The following PPARG variants were observed in gnomAD, a reference collection of about 807,000 sequenced individuals.
The protein encoded by PPARG is peroxisome proliferator activated receptor gamma, also known as peroxisome proliferator-activated receptor gamma.
Under a neutral mutation model 39.2 loss-of-function variants are expected in PPARG, and 17 were observed. That is an observed-to-expected ratio of 0.43 (90% CI 0.30 to 0.65). The LOEUF (loss-of-function observed/expected upper bound fraction) is 0.65, where lower values mean the gene tolerates loss of function less well. Among genes scored for constraint, PPARG ranks in the 30% least tolerant of loss-of-function variants. The pLI, the probability that PPARG is intolerant of heterozygous loss-of-function variation, is 0.13. For synonymous variants in PPARG, 223 were observed against 215.7 expected (o/e 1.03, Z -0.30); for missense variants, 406 against 585.9 (o/e 0.69, Z 3.17).
chr3:12,317,743 C>T (rs921644011), intron 2 of PPARG, among the ~76,000 whole-genome samples: 3 of 152,166 alleles, frequency 2.0e-5, no homozygotes, highest in African/African-American at 7.2e-5. Flanking sequence ...AATTACCTTA[C>T]TCTTGCATTA....
chr3:12,364,573 G>A (rs561019153), intron 2 of PPARG, among the ~76,000 whole-genome samples: 2 of 152,328 alleles, frequency 1.3e-5, no homozygotes, highest in South Asian at 4.1e-4. Context: ...CTACCAAGGA[G>A]TGTGATTACT....
chr3:12,361,011 A>C (rs1257474863), intron 2 of PPARG, among the ~76,000 whole-genome samples: 1 of 152,156 alleles, frequency 6.6e-6, no homozygotes, highest in Non-Finnish European at 1.5e-5. Context: ...CTAGAAATCT[A>C]TACTTCTACT....
intron 5 of PPARG, among the ~76,000 whole-genome samples, chr3:12,397,379 T>G (rs1270893804): frequency 9.8e-5 from 1 of 10,172 alleles, no homozygotes; most frequent in Non-Finnish European, 2.3e-4. Context: ...CTATTCCTTT[T>G]TATTATTATT....
intron 4 of PPARG, among the ~76,000 whole-genome samples, chr3:12,391,960 T>C (rs1288804711): frequency 6.6e-6 from 1 of 152,196 alleles, no homozygotes; most frequent in African/African-American, 2.4e-5. Flanking sequence ...TGGCCTCAAA[T>C]TGACATATTT....
At chr3:12,364,303 T>C (rs898052062) in intron 2 of PPARG, among the ~76,000 whole-genome samples, 16 of 152,222 alleles carry the variant, frequency 1.1e-4, no homozygotes, top group African/African-American at 2.9e-4. Flanking sequence ...GTTGGAACCA[T>C]ACAGTATGTG....
rs560656765 is a variant in PPARG at position 12,327,598 on chromosome 3, C to T, written c.-9+15145C>T. ...CAGAGAACTACCGAGGCAGCTGGCG[C>T]AGATGCTTTTTTGGCACTGTTGAGA... is the stretch of plus-strand genomic sequence containing the variant. On this transcript the variant is annotated intron_variant, in intron 2 of 7. Coordinates refer to ENST00000651735, the MANE Select transcript of PPARG (RefSeq NM_138711.6). 6.6e-5 allele frequency among the ~76,000 whole-genome samples: 10 copies of T among 152,264 alleles called. No homozygotes were observed. In the South Asian group the frequency reaches 1.9e-3, roughly 28 times the overall value.
chr3:12,354,823 G>A (rs1238352143), intron 2 of PPARG, among the ~76,000 whole-genome samples: 4 of 151,554 alleles, frequency 2.6e-5, no homozygotes, highest in East Asian at 1.9e-4. Context: ...AACAAAAACC[G>A]CAGAACTCTT....
intron 2 of PPARG, among the ~76,000 whole-genome samples, chr3:12,326,844 G>T (rs776391734): frequency 6.6e-6 from 1 of 152,080 alleles, no homozygotes; most frequent in Non-Finnish European, 1.5e-5. Flanking sequence ...AGGGTGGTAC[G>T]GCCATAGACG....
chr3:12,406,341 T>C (rs2050665482), intron 6 of PPARG: 2 of 467,328 alleles, frequency 4.3e-6, no homozygotes, highest in South Asian at 4.1e-5. Context: ...CTAACTTTAA[T>C]GAATGAACTT....
intron 2 of PPARG, among the ~76,000 whole-genome samples, chr3:12,335,692 G>T (rs1273122881): frequency 6.6e-6 from 1 of 152,164 alleles, no homozygotes; most frequent in Non-Finnish European, 1.5e-5. Context: ...GCTGCCCTGT[G>T]TGAACCTTCA....
At chr3:12,312,167 A>G (rs1159777314) in intron 1 of PPARG, among the ~76,000 whole-genome samples, 2 of 152,248 alleles carry the variant, frequency 1.3e-5, no homozygotes, top group Admixed American at 6.5e-5. Context: ...CCAGCCCTGC[A>G]TGATTTATGA....
chr3:12,324,973 A>G (rs926273741), intron 2 of PPARG, among the ~76,000 whole-genome samples: 1 of 152,098 alleles, frequency 6.6e-6, no homozygotes, highest in Non-Finnish European at 1.5e-5. Context: ...TTTGAATTGC[A>G]AAATTAAATG....
chr3:12,327,109 G>A (rs2125037984), intron 2 of PPARG, among the ~76,000 whole-genome samples: 1 of 152,192 alleles, frequency 6.6e-6, no homozygotes, highest in Admixed American at 6.5e-5. Flanking sequence ...AGATTATCTT[G>A]TAATTTAAAA....
chr3:12,428,273 C>T (rs1455314295), intron 7 of PPARG, among the ~76,000 whole-genome samples: 1 of 152,214 alleles, frequency 6.6e-6, no homozygotes. Context: ...TAATCAATTC[C>T]AGGACCGTGT....
At chr3:12,392,813 A>G in intron 5 of PPARG, 61 bp downstream of exon 5, 1 of 1,601,612 alleles carries the variant, frequency 6.2e-7, no homozygotes. Context: ...AGACCAGTGG[A>G]CACTAAAGCC....
intron 6 of PPARG, among the ~76,000 whole-genome samples, chr3:12,414,626 A>G (rs1443303406): frequency 6.6e-6 from 1 of 152,140 alleles, no homozygotes; most frequent in Admixed American, 6.6e-5. Flanking sequence ...TTCTGGAAAA[A>G]TACAGTAAAT....
chr3:12,297,784 C>A (rs1204888286), intron 1 of PPARG: 1 of 152,016 alleles, frequency 6.6e-6, no homozygotes, highest in Non-Finnish European at 1.5e-5. Context: ...GAGTTACTTT[C>A]TTTTAAAGCC....
At chr3:12,356,293 G>A (rs1254836766) in intron 2 of PPARG, among the ~76,000 whole-genome samples, 1 of 152,090 alleles carries the variant, frequency 6.6e-6, no homozygotes, top group Non-Finnish European at 1.5e-5. Flanking sequence ...ATTTAAAGAC[G>A]AAGAAATTGC....
intron 6 of PPARG, among the ~76,000 whole-genome samples, chr3:12,415,223 C>T (rs2051017647): frequency 6.6e-6 from 1 of 152,028 alleles, no homozygotes; most frequent in Non-Finnish European, 1.5e-5. Flanking sequence ...GCCCACTCCC[C>T]ACACACATCC....
Sources: allele counts gnomAD v4.1 joint callset (sites outside exome capture counted in the v4.1 genomes callset), GRCh38; gene constraint gnomAD v4.1.1; transcripts MANE v1.5; gene names NCBI Gene and HGNC (gene_info 2026-07-23, HGNC 2026-07-21).